The following ANKRD27 variants were observed in gnomAD, a reference collection of about 807,000 sequenced individuals.
ANKRD27 encodes ankyrin repeat domain 27, also known as ankyrin repeat domain-containing protein 27.
In ANKRD27, 112 loss-of-function variants were observed where a neutral mutation model predicts 129.7. The observed-to-expected ratio is 0.86, with a 90% confidence interval of 0.74 to 1.01. ANKRD27 has a LOEUF of 1.01. Among genes scored for constraint, ANKRD27 ranks in the 50% least tolerant of loss-of-function variants. ANKRD27 has a pLI of 0.00. For synonymous variants in ANKRD27, 516 were observed against 511.2 expected (o/e 1.01, Z -0.13); for missense variants, 1,258 against 1,300.5 (o/e 0.97, Z 0.50).
rs113605858 is a variant in ANKRD27, at chr19:32,651,431, G to A, written c.103-1639C>T. ...GTTGCCCAGGCTGGAGTGCAGTGGC[G>A]TGATCTCGGCTCACTGCAAGTTCCG... On this transcript the variant is annotated intron_variant, in intron 2 of 28. Coordinates refer to ENST00000306065, the MANE Select transcript of ANKRD27 (RefSeq NM_032139.3). 5.0e-3 allele frequency among the ~76,000 whole-genome samples: 763 copies of A among 152,138 alleles called. 2 individuals carry two copies. The highest frequency in any genetic ancestry group is 8.4e-3 in the Non-Finnish European group (573 of 68,008).
intron 13 of ANKRD27, among the ~76,000 whole-genome samples, chr19:32,629,995 C>T (rs28532750): frequency 0.13 from 19,333 of 151,832 alleles, 1,977 homozygotes; most frequent in African/African-American, 0.28. Flanking sequence ...CTCAACCTCT[C>T]GGGCTCAAGT....
At chr19:32,618,465 A>G (rs1971956807) in intron 20 of ANKRD27, among the ~76,000 whole-genome samples, 1 of 151,338 alleles carries the variant, frequency 6.6e-6, no homozygotes, top group East Asian at 2.0e-4. Context: ...AAAAAAAAAA[A>G]AAAAAAAGAA....
chr19:32,622,328 A>G, intron 18 of ANKRD27, 94 bp downstream of exon 18: 2 of 1,361,188 alleles, frequency 1.5e-6, no homozygotes, highest in Non-Finnish European at 2.1e-6. Context: ...CCCTCAGGCA[A>G]TAATGCACAA....
chr19:32,649,843 T>G lies in ANKRD27; in HGVS notation c.103-51A>C, dbSNP rs112176803. ...TTAGACAGACGTGCCATTTACCACC[T>G]CAGCAGAACAAGGTGTCCCCAAAGG... is the stretch of plus-strand genomic sequence containing the variant. On this transcript the variant is annotated intron_variant, in intron 2 of 28. Coordinates refer to ENST00000306065, the MANE Select transcript of ANKRD27 (RefSeq NM_032139.3). 58 of 1,235,354 alleles carry G rather than the reference T, an allele frequency of 4.7e-5. 1 individual carries two copies. The African/African-American group carries it at 6.5e-4, about 14-fold the overall frequency. The allele number at this position is 1,235,354 out of a possible 1,614,324, so 76.5% of individuals were successfully genotyped here. A position where few individuals can be genotyped will look rare whatever the true frequency, so the allele number is the denominator to read the frequency against.
chr19:32,639,652 G>C (rs963244033), intron 11 of ANKRD27, among the ~76,000 whole-genome samples, 164 bp from the exon 12 acceptor site: 6 of 152,146 alleles, frequency 3.9e-5, no homozygotes, highest in Admixed American at 2.0e-4. Context: ...TGTGCGATTA[G>C]GAACACAAGT....
intron 22 of ANKRD27, among the ~76,000 whole-genome samples, chr19:32,613,519 A>G (rs1895757072): frequency 6.6e-6 from 1 of 152,150 alleles, no homozygotes; most frequent in Non-Finnish European, 1.5e-5. Context: ...TATTGGTAAT[A>G]TTCCCCAAAC....
chr19:32,630,078 A>AT (rs1000206634), intron 13 of ANKRD27, among the ~76,000 whole-genome samples: 2 of 151,614 alleles, frequency 1.3e-5, no homozygotes, highest in African/African-American at 2.4e-5. Context: ...TCATCTTGTT[A>AT]TTTTTTTATT....
intron 23 of ANKRD27, among the ~76,000 whole-genome samples, chr19:32,606,958 A>AGG (rs1971750803): frequency 7.9e-6 from 1 of 125,928 alleles, no homozygotes; most frequent in African/African-American, 3.3e-5. Flanking sequence ...AAAAAAAAAA[A>AGG]AAAAAAAAAA....
rs185644049 is a variant in ANKRD27 at position 32,650,415 on chromosome 19, G to C, written c.103-623C>G. Among the ~76,000 whole-genome samples the C allele has an allele frequency of 2.0e-5, 3 of 152,268 alleles. No homozygotes were observed. In the East Asian group the frequency reaches 5.8e-4, roughly 29 times the overall value. On this transcript the variant is annotated intron_variant, in intron 2 of 28. Transcript: ENST00000306065. ...AAAAATACAAAAATTAGCCGGGGGT[G>C]GTGGCGCACGCCTGTAATGCCAGCA...
Position 32,646,535 on chromosome 19 carries a change from T to G in ANKRD27, c.294A>C (p.Glu98Asp). ...TCTCTTCTTTTTCATTGTAGAAAGT[T>G]TCTTCAAAGAGAATGGGCACTGAGA... ...CLLSVPILFE[E>D]TFYNEKEESF... Residue 98 changes from glutamate to aspartate, a missense_variant, in exon 4 of 29, where the codon GAA (glutamate) becomes GAC (aspartate). Transcript: ENST00000306065. 1 of 1,614,164 alleles carries G rather than the reference T, an allele frequency of 6.2e-7. No homozygotes were observed. The highest frequency in any genetic ancestry group is 8.5e-7 in the Non-Finnish European group (1 of 1,180,006).
At chr19:32,647,132 A>G (rs963706423) in intron 3 of ANKRD27, among the ~76,000 whole-genome samples, 1 of 152,016 alleles carries the variant, frequency 6.6e-6, no homozygotes, top group Admixed American at 6.6e-5. Flanking sequence ...GGCCCACACG[A>G]TGCATTTGTT....
At chr19:32,642,202 C>T in intron 9 of ANKRD27, 57 bp from the exon 10 acceptor site, 2 of 1,394,808 alleles carry the variant, frequency 1.4e-6, no homozygotes, top group Non-Finnish European at 9.4e-7. Context: ...ACCCTCTGGC[C>T]TGGATCTAAG....
At chr19:32,628,047 G>A in intron 15 of ANKRD27, 36 bp downstream of exon 15, 2 of 1,599,122 alleles carry the variant, frequency 1.3e-6, no homozygotes, top group South Asian at 1.1e-5. Context: ...TCCCTTTGCT[G>A]TGACAGCCCC....
intron 15 of ANKRD27, among the ~76,000 whole-genome samples, chr19:32,627,393 TATTTATTTA>T (rs1966906439): frequency 1.4e-4 from 18 of 128,994 alleles, no homozygotes; most frequent in South Asian, 5.0e-4. Flanking sequence ...TTTATTTATT[TATTTATTTA>T]TTTATTTATT....
chr19:32,611,991 G>A (rs940650109), intron 22 of ANKRD27, among the ~76,000 whole-genome samples: 7 of 152,216 alleles, frequency 4.6e-5, no homozygotes, highest in Admixed American at 6.5e-5. Flanking sequence ...CTCTAACCTC[G>A]GCCTCCCAAA....
At chr19:32,674,700 G>C (rs1019168768) in intron 1 of ANKRD27, among the ~76,000 whole-genome samples, 3 of 151,992 alleles carry the variant, frequency 2.0e-5, no homozygotes, top group Non-Finnish European at 2.9e-5. Context: ...GCAGACCCTA[G>C]GCCTCCGGGA....
intron 1 of ANKRD27, among the ~76,000 whole-genome samples, chr19:32,664,624 A>AATAATG (rs1282447521): frequency 9.5e-6 from 1 of 105,046 alleles, no homozygotes; most frequent in Non-Finnish European, 1.7e-5. Context: ...CCCAAATAAT[A>AATAATG]ATAATAATAA....
Position 32,604,312 on chromosome 19 carries a change from A to T in ANKRD27, c.2606T>A (p.Val869Asp). Residue 869 changes from valine to aspartate, a missense_variant, in exon 25 of 29, where the codon GTT becomes GAT. By Grantham distance (152) the Val-to-Asp change is radical (BLOSUM62 -3). Coordinates refer to ENST00000306065, the MANE Select transcript of ANKRD27 (RefSeq NM_032139.3). ...VELLLLHGAS[V>D]QVLNKRQRTA... The stretch of plus-strand genomic sequence containing the variant: ...GCGCTGCCGCTTGTTCAGCACCTGA[A>T]CTGACGCTCCGTGGAGCAGAAGCAG... The T allele has an allele frequency of 6.2e-7, 1 of 1,613,926 alleles. No homozygotes were observed. The highest frequency in any genetic ancestry group is 1.7e-5 in the Admixed American group (1 of 60,024).
At chr19:32,666,621 G>A (rs971639084) in intron 1 of ANKRD27, among the ~76,000 whole-genome samples, 3 of 146,838 alleles carry the variant, frequency 2.0e-5, no homozygotes, top group Admixed American at 6.8e-5. Flanking sequence ...AATGGGCACA[G>A]AAAAGGAAAT....
Sources: allele counts gnomAD v4.1 joint callset (sites outside exome capture counted in the v4.1 genomes callset), GRCh38; gene constraint gnomAD v4.1.1; transcripts MANE v1.5; gene names NCBI Gene and HGNC (gene_info 2026-07-23, HGNC 2026-07-21).